TRPV1: variants seen among roughly 807,000 people sequenced by gnomAD.
TRPV1 encodes the protein OTRPC1.
TRPV1 carries 82 observed loss-of-function variants against 82.3 expected under a neutral mutation model. That is an observed-to-expected ratio of 1.00 (90% CI 0.83 to 1.20). The LOEUF (loss-of-function observed/expected upper bound fraction) is 1.20. Among genes scored for constraint, TRPV1 ranks in the 50% most tolerant of loss-of-function variants. TRPV1 has a pLI of 0.00. For missense variants in TRPV1, 1,067 were observed against 1,096.8 expected (o/e 0.97, Z 0.38); for synonymous variants, 515 against 467.7 (o/e 1.10, Z -1.30).
intron 13 of TRPV1, among the ~76,000 whole-genome samples, chr17:3,574,356 C>T (rs1301854572): frequency 6.6e-6 from 1 of 152,192 alleles, no homozygotes; most frequent in African/African-American, 2.4e-5. Context: ...CTGCCTGCTT[C>T]TGTGGGAAGT....
intron 16 of TRPV1, among the ~76,000 whole-genome samples, chr17:3,567,617 G>A (rs547555657): frequency 4.0e-5 from 6 of 151,508 alleles, no homozygotes; most frequent in South Asian, 4.2e-4. Context: ...CTGCCCCAGC[G>A]GGAGGGAGAG....
intron 16 of TRPV1, among the ~76,000 whole-genome samples, chr17:3,571,271 T>C (rs1266033976): frequency 1.3e-5 from 2 of 152,160 alleles, no homozygotes; most frequent in African/African-American, 2.4e-5. Context: ...GTGCCTGGGC[T>C]GGAGGTGCTG....
At chr17:3,576,568 C>T (rs896441737) in intron 13 of TRPV1, among the ~76,000 whole-genome samples, 2 of 149,100 alleles carry the variant, frequency 1.3e-5, no homozygotes, top group African/African-American at 5.0e-5. Flanking sequence ...AGGAGAATGG[C>T]GTGAACCCGG....
intron 6 of TRPV1, 47 bp from the exon 7 acceptor site, chr17:3,590,152 TG>T: frequency 6.3e-7 from 1 of 1,586,388 alleles, no homozygotes; most frequent in Non-Finnish European, 8.6e-7. Context: ...GAGATCCAGC[TG>T]GCCCCTGAAC....
chr17:3,573,532 G>GGCCCCCCCCCCCC lies in TRPV1; in HGVS notation c.2103+100_2103+101insGGGGGGGGGGGGC. On this transcript the variant is annotated intron_variant, in intron 14 of 16. Coordinates refer to ENST00000572705, the MANE Select transcript of TRPV1 (RefSeq NM_080704.4). ...GCCCATACCCTCCTGGCCACACACC[G>GGCCCCCCCCCCCC]CCCCCACCACCCACCCACCTGCAGC... 16 of 257,074 alleles carry GGCCCCCCCCCCCC rather than the reference G, an allele frequency of 6.2e-5. 5 individuals are homozygous for GGCCCCCCCCCCCC. Among genetic ancestry groups the GGCCCCCCCCCCCC allele is most frequent in the South Asian group, 2.7e-4 (9 of 33,506 alleles). The allele number at this position is 257,074 out of a possible 1,614,324, so 15.9% of individuals were successfully genotyped here. A position where few individuals can be genotyped will look rare whatever the true frequency, so the allele number is the denominator to read the frequency against.
intron 8 of TRPV1, 103 bp downstream of exon 8, chr17:3,588,085 G>A (rs1288524597): frequency 6.5e-6 from 9 of 1,389,130 alleles, no homozygotes; most frequent in African/African-American, 4.3e-5. Context: ...GGCGCAGCAG[G>A]CTTTCCCTCC....
At position 3,577,684 on chromosome 17, in the gene TRPV1, A is replaced by T; in HGVS notation, c.1627T>A (p.Phe543Ile). The part of the protein sequence containing the change: ...HLKEYVASMV[F>I]SLALGWTNML... ...TTGGTCCAGCCCAAGGCCAGGGAGAATACCATGGAAGCCACATACTCCTTG... is the reference window on the plus strand; with the variant it reads ...TTGGTCCAGCCCAAGGCCAGGGAGATTACCATGGAAGCCACATACTCCTTG... Residue 543 changes from phenylalanine (F) to isoleucine (I), a missense_variant, in exon 12 of 17, where the codon TTC becomes ATC. Transcript: ENST00000572705. 1 of 1,588,564 alleles carries T rather than the reference A, an allele frequency of 6.3e-7. No homozygotes were observed. The highest frequency in any genetic ancestry group is 8.6e-7 in the Non-Finnish European group (1 of 1,167,924).
chr17:3,571,851 G>A (rs757096368), intron 15 of TRPV1, among the ~76,000 whole-genome samples: 1 of 152,162 alleles, frequency 6.6e-6, no homozygotes, highest in South Asian at 2.1e-4. Context: ...CATATTGGAT[G>A]CCAGGCTCTG....
chr17:3,571,322 A>G (rs1394588295), intron 16 of TRPV1, among the ~76,000 whole-genome samples: 3 of 152,180 alleles, frequency 2.0e-5, no homozygotes, highest in Non-Finnish European at 4.4e-5. Context: ...GTCAGCCATC[A>G]GCCGTCAGCC....
At chr17:3,582,163 C>A (rs2075028692) in intron 10 of TRPV1, among the ~76,000 whole-genome samples, 1 of 122,178 alleles carries the variant, frequency 8.2e-6, no homozygotes, top group Non-Finnish European at 1.6e-5. Context: ...GCACTCCAGC[C>A]TGGGCGAAAG....
chr17:3,573,574 C>A lies in TRPV1; in HGVS notation c.2103+59G>T. 3.9e-6 allele frequency: 3 copies of A among 762,856 alleles called. No individual in the cohort carries two copies. The South Asian group carries it at 6.1e-5, about 16-fold the overall frequency. The allele number at this position is 762,856 out of a possible 1,614,324, so 47.3% of individuals were successfully genotyped here. The stretch of plus-strand genomic sequence containing the variant: ...ACCTGCAGCCAGCTGTGTAAGACAG[C>A]AGACAGAGCCGCCCACACTCTCCGC... On this transcript the variant is annotated intron_variant, in intron 14 of 16. Transcript: ENST00000572705.
Position 3,590,016 on chromosome 17 carries a change from T to C in TRPV1, c.835A>G (p.Ser279Gly). ...GTGTTGCCCACCGAGTCCCTGGCGCTGATGTCGGCCGTCTGCCAGGAGTTC... is the reference window on the plus strand; with the variant it reads ...GTGTTGCCCACCGAGTCCCTGGCGCCGATGTCGGCCGTCTGCCAGGAGTTC... ...LQNSWQTADI[S>G]ARDSVGNTVL... The change falls in exon 7 of 17, where the codon AGC becomes GGC. Residue 279 changes from serine (S) to glycine (G), a missense_variant. Ser to Gly is a moderately conservative substitution (Grantham distance 56). Transcript: ENST00000572705. 3 of 1,566,696 alleles carry C rather than the reference T, an allele frequency of 1.9e-6. No homozygotes were observed. The highest frequency in any genetic ancestry group is 1.2e-5 in the South Asian group (1 of 85,742).
At chr17:3,583,973 T>G (rs1011281842) in intron 9 of TRPV1, among the ~76,000 whole-genome samples, 1 of 152,054 alleles carries the variant, frequency 6.6e-6, no homozygotes, top group Non-Finnish European at 1.5e-5. Flanking sequence ...CATTTTTCTC[T>G]TAAAAAGAAG....
At chr17:3,598,981 G>C (rs1409426308) in intron 2 of TRPV1, among the ~76,000 whole-genome samples, 1 of 150,500 alleles carries the variant, frequency 6.6e-6, no homozygotes, top group African/African-American at 2.4e-5. Context: ...GCTCATGCCT[G>C]TAACCCCAGC....
intron 16 of TRPV1, 80 bp downstream of exon 16, chr17:3,571,444 T>A (rs1388184763): frequency 2.6e-6 from 3 of 1,167,610 alleles, no homozygotes; most frequent in Non-Finnish European, 3.7e-6. Context: ...CGGCAAGGCG[T>A]GGGGAACCTG....
intron 2 of TRPV1, among the ~76,000 whole-genome samples, chr17:3,598,999 G>A (rs1051959682): frequency 6.6e-6 from 1 of 150,626 alleles, no homozygotes; most frequent in South Asian, 2.1e-4. Flanking sequence ...AGCACTTTGG[G>A]AGGCCGAGGC....
intron 10 of TRPV1, 46 bp downstream of exon 10, chr17:3,583,292 T>G: frequency 6.6e-7 from 1 of 1,518,424 alleles, no homozygotes; most frequent in East Asian, 2.4e-5. Context: ...CTTGGCTTTT[T>G]GTTTTGGTGA....
intron 2 of TRPV1, among the ~76,000 whole-genome samples, chr17:3,600,850 G>A (rs371362089): frequency 2.0e-5 from 3 of 152,024 alleles, no homozygotes; most frequent in African/African-American, 4.8e-5. Context: ...GACCCCGTCC[G>A]CAGCCTTATC....
At chr17:3,569,245 A>G (rs1274321684) in intron 16 of TRPV1, among the ~76,000 whole-genome samples, 1 of 152,062 alleles carries the variant, frequency 6.6e-6, no homozygotes, top group African/African-American at 2.4e-5. Context: ...GTGCACATGT[A>G]CCCTAGAACT....
Sources: allele counts gnomAD v4.1 joint callset (sites outside exome capture counted in the v4.1 genomes callset), GRCh38; gene constraint gnomAD v4.1.1; transcripts MANE v1.5; gene names NCBI Gene and HGNC (gene_info 2026-07-23, HGNC 2026-07-21).